Variants in DYNC1H1 observed in about 807,000 individuals in gnomAD.
DYNC1H1 encodes dynein cytoplasmic 1 heavy chain 1.
Under a neutral mutation model 527.1 loss-of-function variants are expected in DYNC1H1, and 51 were observed. The observed-to-expected ratio is 0.10, with a 90% CI of 0.08 to 0.12. The LOEUF (loss-of-function observed/expected upper bound fraction) is 0.12, where lower values mean the gene tolerates loss of function less well. DYNC1H1 is among the 10% of genes least tolerant of loss of function. The probability of loss-of-function intolerance (pLI) is 1.00; values close to 1 mark genes in which losing one functional copy is unlikely to be tolerated. For synonymous variants in DYNC1H1, 2,189 were observed against 2,278.8 expected, an observed-to-expected ratio of 0.96 and a Z score of 1.12; for missense variants, 2,771 against 5,971.8, an observed-to-expected ratio of 0.46 and a Z score of 17.66.
At chr14:102,050,236 A>AC (rs571085970) in intron 77 of DYNC1H1, 38 bp downstream of exon 77, 1 of 1,613,340 alleles carries the variant, frequency 6.2e-7, no homozygotes, top group South Asian at 1.1e-5. Flanking sequence ...TTCTGCAGGG[A>AC]CCCCTGCGGT....
rs2048783650 is a variant in DYNC1H1, at chr14:102,050,019, T to A, written c.13685-52T>A. The A allele has an allele frequency of 3.7e-6, 6 of 1,614,088 alleles. No individual in the cohort carries two copies. In the South Asian group the frequency reaches 4.4e-5, roughly 12 times the overall value. On this transcript the variant is annotated intron_variant, in intron 76 of 77. Transcript: ENST00000360184. ...CCTCTGGGCGCCCTGTGACTGGGGT[T>A]TGTGTAGCTGTTGTGTTCACCTCAG...
In DYNC1H1 at chr14:102,033,946, C is replaced by T; in HGVS notation, c.10414-30C>T. On this transcript the variant is annotated intron_variant, in intron 54 of 77. Transcript: ENST00000360184. This position sits in a 1 kb window ranked among gnomAD's most constrained non-coding sequence, Gnocchi z 5.6. The stretch of plus-strand genomic sequence containing the variant: ...GGTATAAATCCTGAAAGGCCTCATC[C>T]CTGAGCATCTTGTTCGGTTTTCCTT... 1 of 1,611,422 alleles carries T rather than the reference C, an allele frequency of 6.2e-7. No homozygotes were observed. The highest frequency in any genetic ancestry group is 8.5e-7 in the Non-Finnish European group (1 of 1,178,442).
In DYNC1H1 at chr14:102,010,541, G is replaced by A; in HGVS notation, c.6405+82G>A. ...TTAACATTTAAGCCATGACTTGTGA[G>A]TTCTTCTTGCAGTTCACATGTCTTG... On this transcript the variant is annotated intron_variant, in intron 31 of 77. Coordinates refer to ENST00000360184, the MANE Select transcript of DYNC1H1 (RefSeq NM_001376.5). The surrounding 1 kb of genome is among the most constrained non-coding windows in gnomAD (Gnocchi z 6.0). 1 of 1,563,466 alleles carries A rather than the reference G, an allele frequency of 6.4e-7. No homozygotes were observed. The highest frequency in any genetic ancestry group is 8.7e-7 in the Non-Finnish European group (1 of 1,151,598).
At chr14:102,048,294 G>T (rs1394646954) in intron 73 of DYNC1H1, 2 of 722,352 alleles carry the variant, frequency 2.8e-6, no homozygotes, top group African/African-American at 1.8e-5. Context: ...TCCCTAGAGA[G>T]CCCCGAGAGC....
chr14:102,027,535 C>A lies in DYNC1H1; in HGVS notation c.9039C>A (p.Ala3013=), dbSNP rs1462248476. ...GFLERMNTLL[A]NGEVPGLFEG... is the part of the protein sequence containing the mutation. The stretch of plus-strand genomic sequence containing the variant: ...TGGAGCGAATGAATACCCTTCTGGC[C>A]AATGGAGAGGTAATTAGGTGACGTG... Residue 3013 remains alanine, a synonymous_variant, in exon 46 of 78, where the codon GCC becomes GCA. Coordinates refer to ENST00000360184, the MANE Select transcript of DYNC1H1 (RefSeq NM_001376.5). The surrounding 1 kb of genome is among the most constrained non-coding windows in gnomAD (Gnocchi z 7.7). 2 of 1,614,106 alleles carry A rather than the reference C, an allele frequency of 1.2e-6. No individual in the cohort carries two copies. Among genetic ancestry groups the A allele is most frequent in the Non-Finnish European group, 1.7e-6 (2 of 1,180,028 alleles).
In DYNC1H1 at chr14:102,018,447, A is replaced by C; in HGVS notation, c.8178-4A>C. The C allele has an allele frequency of 6.2e-7, 1 of 1,613,248 alleles. No individual in the cohort carries two copies. The highest frequency in any genetic ancestry group is 8.5e-7 in the Non-Finnish European group (1 of 1,179,968). On this transcript the variant is annotated splice_region_variant and splice_polypyrimidine_tract_variant and intron_variant, in intron 40 of 77. Coordinates refer to ENST00000360184, the MANE Select transcript of DYNC1H1 (RefSeq NM_001376.5). This position sits in a 1 kb window ranked among gnomAD's most constrained non-coding sequence, Gnocchi z 5.2. The stretch of plus-strand genomic sequence containing the variant: ...GGGCGCTGAGCGGGGCTATCTGTGC[A>C]CAGGTTCCTGCGCCACGTGCCTGTC...
intron 43 of DYNC1H1, among the ~76,000 whole-genome samples, chr14:102,025,404 C>CAA (rs530562855): frequency 9.8e-5 from 11 of 112,612 alleles, no homozygotes; most frequent in African/African-American, 2.0e-4. Context: ...GACTCTGTCT[C>CAA]AAAAAAAAAA....
chr14:102,014,248 G>T (rs2048293794), intron 34 of DYNC1H1, among the ~76,000 whole-genome samples: 1 of 152,170 alleles, frequency 6.6e-6, no homozygotes, highest in South Asian at 2.1e-4. Flanking sequence ...TAAACTGGAG[G>T]TGAGGCTGGG....
chr14:102,008,932 A>G (rs529626624), intron 29 of DYNC1H1, among the ~76,000 whole-genome samples: 1 of 152,208 alleles, frequency 6.6e-6, no homozygotes, highest in South Asian at 2.1e-4. Flanking sequence ...GCTCCCTTAG[A>G]GCTTGTGTGT....
intron 5 of DYNC1H1, among the ~76,000 whole-genome samples, chr14:101,982,527 G>T (rs937324495): frequency 6.6e-6 from 1 of 152,030 alleles, no homozygotes; most frequent in Non-Finnish European, 1.5e-5. Flanking sequence ...GGGAGGTGGA[G>T]GTTGCAGTGA....
In DYNC1H1 at chr14:102,052,024, C is replaced by T. The variant is rs1474596952; in HGVS notation, c.*1461C>T. On this transcript the variant is annotated 3_prime_UTR_variant, in exon 78 of 78. Coordinates refer to ENST00000360184, the MANE Select transcript of DYNC1H1 (RefSeq NM_001376.5). Reference sequence around the variant, plus strand: ...TGTATTTTTTGTAGAGATGGAATCTCGCTATTTTCCCTGGGCTGGTCTCAA... The same window carrying T: ...TGTATTTTTTGTAGAGATGGAATCTTGCTATTTTCCCTGGGCTGGTCTCAA... The T allele has an allele frequency of 6.6e-6, 1 of 152,198 alleles. No homozygotes were observed. The highest frequency in any genetic ancestry group is 2.4e-5 in the African/African-American group (1 of 41,432). The allele number at this position is 152,198 out of a possible 1,614,324, so 9.4% of individuals were successfully genotyped here.
rs2048812115 is a variant in DYNC1H1, at chr14:102,051,591, A to AC, written c.*1029dup. The AC allele has an allele frequency of 6.6e-6, 1 of 152,306 alleles. No individual in the cohort carries two copies. The highest frequency in any genetic ancestry group is 6.5e-5 in the Admixed American group (1 of 15,276). The allele number at this position is 152,306 out of a possible 1,614,324, so 9.4% of individuals were successfully genotyped here. ...CACGACCTTTCCAGTGGTGATGATG[A>AC]CAGTGGCCCATACAGCTGACTGTTT... is the stretch of plus-strand genomic sequence containing the variant. On this transcript the variant is annotated 3_prime_UTR_variant, in exon 78 of 78. Coordinates refer to ENST00000360184, the MANE Select transcript of DYNC1H1 (RefSeq NM_001376.5).
chr14:101,976,817 C>CG (rs1477048036), intron 2 of DYNC1H1, among the ~76,000 whole-genome samples: 1 of 151,874 alleles, frequency 6.6e-6, no homozygotes, highest in African/African-American at 2.4e-5. Flanking sequence ...AAAATATTTG[C>CG]GGGAAAAAAG....
chr14:102,043,579 G>A (rs946650548), intron 69 of DYNC1H1: 24 of 436,240 alleles, frequency 5.5e-5, no homozygotes, highest in South Asian at 1.7e-4. Flanking sequence ...CAGGGGTTTC[G>A]TTCTGTCAAT....
chr14:102,012,162 A>G lies in DYNC1H1; in HGVS notation c.6857+49A>G, dbSNP rs2048265572. ...TGTGTTCTCCTGGATATGGGCGCTA[A>G]GTACTTTGCTCTCACAAGAGCAGAG... On this transcript the variant is annotated intron_variant, in intron 33 of 77. Transcript: ENST00000360184. The surrounding 1 kb of genome is among the most constrained non-coding windows in gnomAD (Gnocchi z 4.9). The G allele has an allele frequency of 1.9e-6, 3 of 1,612,056 alleles. No homozygotes were observed. The highest frequency in any genetic ancestry group is 2.5e-6 in the Non-Finnish European group (3 of 1,178,292).
intron 14 of DYNC1H1, 31 bp downstream of exon 14, chr14:101,995,127 G>C: frequency 1.2e-6 from 2 of 1,614,076 alleles, no homozygotes; most frequent in Non-Finnish European, 1.7e-6. Flanking sequence ...CTCTGTAACC[G>C]GTCTACTGGT....
intron 10 of DYNC1H1, among the ~76,000 whole-genome samples, chr14:101,990,408 G>A (rs945006594): frequency 6.6e-6 from 1 of 152,140 alleles, no homozygotes; most frequent in Non-Finnish European, 1.5e-5. Flanking sequence ...GGGCACCAGG[G>A]ACCCAGGAGA....
At position 102,040,662 on chromosome 14, in the gene DYNC1H1, A is replaced by G. The variant is rs2048638224; in HGVS notation, c.11930A>G (p.Glu3977Gly). Residue 3977 changes from glutamate (E) to glycine (G), a missense_variant, in exon 64 of 78, where the codon GAA (glutamate) becomes GGA (glycine). Around this residue, in one of 32 missense-constraint regions of DYNC1H1, gnomAD observed 120 missense variants for 161.9 expected, o/e 0.74. Transcript: ENST00000360184. ...EQTVPYLWSE[E>G]TPATPIGQAI... Reference sequence around the variant, plus strand: ...ACTGTGCCCTACCTCTGGAGTGAAGAAACACCTGCAAGTAAGCCCCACTGT... The same window carrying G: ...ACTGTGCCCTACCTCTGGAGTGAAGGAACACCTGCAAGTAAGCCCCACTGT... The G allele has an allele frequency of 6.2e-7, 1 of 1,614,098 alleles. No individual in the cohort carries two copies. The highest frequency in any genetic ancestry group is 1.1e-5 in the South Asian group (1 of 91,090).
chr14:102,016,013 G>A lies in DYNC1H1; in HGVS notation c.7400G>A (p.Arg2467His), dbSNP rs1441059709. The change falls in exon 36 of 78, where the codon CGC becomes CAC. Residue 2467 changes from arginine to histidine, a missense_variant. Transcript: ENST00000360184. This position sits in a 1 kb window ranked among gnomAD's most constrained non-coding sequence, Gnocchi z 7.3. Reference protein sequence around the residue: ...SLFSMLHQACRNVAQYNANHP... With the variant: ...SLFSMLHQACHNVAQYNANHP... ...TTCTCCATGCTGCACCAGGCCTGCC[G>A]CAACGTGGCGCAGTATAACGCCAAC... 1 of 1,613,640 alleles carries A rather than the reference G, an allele frequency of 6.2e-7. No homozygotes were observed. Among genetic ancestry groups the A allele is most frequent in the Non-Finnish European group, 8.5e-7 (1 of 1,179,972 alleles).
Sources: gnomAD v4.1 joint callset for allele counts (sites outside exome capture counted in the v4.1 genomes callset) on GRCh38, gnomAD v4.1.1 for gene constraint, gnomAD v4.1.1 regional missense constraint, Gnocchi (gnomAD v3.1) non-coding constraint, MANE v1.5 for transcripts, NCBI Gene and HGNC (gene_info 2026-07-23, HGNC 2026-07-21) for gene names.